Variants in LIMK2 observed in about 807,000 individuals in gnomAD.
The protein encoded by LIMK2 is LIM domain kinase 2.
Under a neutral mutation model 75.7 loss-of-function variants are expected in LIMK2, and 35 were observed. The observed-to-expected ratio is 0.46, with a 90% CI of 0.35 to 0.61. The LOEUF (loss-of-function observed/expected upper bound fraction) is 0.61, where lower values mean the gene tolerates loss of function less well. Ranked by LOEUF, LIMK2 falls within the 20% of genes least tolerant of loss-of-function variation. The pLI is 0.00. For missense variants in LIMK2, 623 were observed against 831.0 expected (o/e 0.75, Z 3.08); for synonymous variants, 301 against 319.2 (o/e 0.94, Z 0.61).
At chr22:31,276,570 G>GCGCCCCCGCCGC (rs1555888677) in intron 15 of LIMK2, among the ~76,000 whole-genome samples, 2 of 145,592 alleles carry the variant, frequency 1.4e-5, no homozygotes, top group Non-Finnish European at 3.0e-5. Context: ...CTGCCCCCGG[G>GCGCCCCCGCCGC]CGCCCCCGCC....
At chr22:31,270,071 T>A (rs1162353033) in intron 11 of LIMK2, among the ~76,000 whole-genome samples, 1 of 152,100 alleles carries the variant, frequency 6.6e-6, no homozygotes, top group Non-Finnish European at 1.5e-5. Context: ...TGGGAAGAGC[T>A]AGCATTGATC....
intron 8 of LIMK2, among the ~76,000 whole-genome samples, chr22:31,266,466 C>G (rs1049624549): frequency 6.6e-6 from 1 of 152,134 alleles, no homozygotes; most frequent in African/African-American, 2.4e-5. Context: ...TGGCTCCTGC[C>G]TCCCTGGTGA....
chr22:31,272,829 A>C, intron 13 of LIMK2, 125 bp downstream of exon 13: 2 of 1,416,704 alleles, frequency 1.4e-6, no homozygotes, highest in South Asian at 1.7e-5. Context: ...AGCTGAGGAT[A>C]TTTTTCCCTT....
At chr22:31,238,126 A>AC (rs2048595296) in intron 2 of LIMK2, among the ~76,000 whole-genome samples, 2 of 151,710 alleles carry the variant, frequency 1.3e-5, no homozygotes, top group Non-Finnish European at 1.5e-5. Flanking sequence ...AAAAAAAAAA[A>AC]AAAAAACCAA....
intron 2 of LIMK2, among the ~76,000 whole-genome samples, chr22:31,237,921 A>G (rs903805272): frequency 4.7e-5 from 7 of 148,986 alleles, no homozygotes; most frequent in African/African-American, 1.5e-4. Flanking sequence ...CCTGGCCAAC[A>G]TGGTGAAACC....
intron 11 of LIMK2, among the ~76,000 whole-genome samples, chr22:31,270,379 A>G (rs1373877795): frequency 6.6e-6 from 1 of 152,194 alleles, no homozygotes; most frequent in Non-Finnish European, 1.5e-5. Context: ...TCCCTCAGGC[A>G]GGCAGGCAGG....
At chr22:31,261,631 G>T (rs2048840444) in intron 5 of LIMK2, among the ~76,000 whole-genome samples, 1 of 151,908 alleles carries the variant, frequency 6.6e-6, no homozygotes, top group Non-Finnish European at 1.5e-5. Flanking sequence ...AGCTGGGTAT[G>T]GTGGTGCGCG....
chr22:31,266,007 A>T lies in LIMK2; in HGVS notation c.916A>T (p.Ser306Cys), dbSNP rs1449599007. The T allele has an allele frequency of 6.2e-7, 1 of 1,614,090 alleles. No individual in the cohort carries two copies. Among genetic ancestry groups the T allele is most frequent in the Non-Finnish European group, 8.5e-7 (1 of 1,180,006 alleles). The change falls in exon 8 of 16, where the codon AGC becomes TGC. Residue 306 changes from serine (S) to cysteine (C), a missense_variant. Physicochemically the swap from Ser to Cys is moderately radical, Grantham distance 112. This residue lies in a region of LIMK2 where 514 missense variants were observed against 661.3 expected (regional missense o/e 0.78). Coordinates refer to ENST00000331728, the MANE Select transcript of LIMK2 (RefSeq NM_005569.4). ...CTCCCCAAAGGAGCCCCTGCTGTTCAGCCGTGACATCAGCCGCTCAGAATC... is the reference window on the plus strand; with the variant it reads ...CTCCCCAAAGGAGCCCCTGCTGTTCTGCCGTGACATCAGCCGCTCAGAATC... ...PSSPKEPLLF[S>C]RDISRSESLR...
chr22:31,263,607 A>G (rs986702330), intron 7 of LIMK2, among the ~76,000 whole-genome samples: 1 of 152,082 alleles, frequency 6.6e-6, no homozygotes, highest in South Asian at 2.1e-4. Context: ...TGGGAGGCCT[A>G]GGTCGGAGGA....
intron 15 of LIMK2, among the ~76,000 whole-genome samples, chr22:31,276,389 C>T (rs1013336073): frequency 2.0e-5 from 3 of 152,114 alleles, no homozygotes; most frequent in African/African-American, 7.2e-5. Context: ...ACTCCACCCT[C>T]CCAGGATAAC....
intron 13 of LIMK2, 60 bp from the exon 14 acceptor site, chr22:31,273,392 C>G: frequency 6.8e-7 from 1 of 1,469,802 alleles, no homozygotes; most frequent in South Asian, 1.1e-5. Context: ...TGACCCTAGA[C>G]CCAGTGCAGA....
At chr22:31,271,735 A>T (rs931005669) in intron 12 of LIMK2, among the ~76,000 whole-genome samples, 1 of 152,062 alleles carries the variant, frequency 6.6e-6, no homozygotes, top group Non-Finnish European at 1.5e-5. Context: ...ACACCACGCA[A>T]TCTTCATTCC....
At chr22:31,226,944 C>G (rs539131234) in intron 2 of LIMK2, among the ~76,000 whole-genome samples, 3 of 152,204 alleles carry the variant, frequency 2.0e-5, no homozygotes, top group African/African-American at 7.2e-5. Flanking sequence ...AGCTCAGTTT[C>G]TTAAAAATTA....
intron 15 of LIMK2, among the ~76,000 whole-genome samples, chr22:31,277,979 G>A (rs2049049344): frequency 6.6e-6 from 1 of 152,162 alleles, no homozygotes; most frequent in Admixed American, 6.5e-5. Context: ...AGCCATTTCC[G>A]TGGCACTAGG....
chr22:31,254,180 C>T (rs1235249870), intron 2 of LIMK2, among the ~76,000 whole-genome samples: 1 of 152,250 alleles, frequency 6.6e-6, no homozygotes, highest in Non-Finnish European at 1.5e-5. Context: ...TCTCCCTGCT[C>T]CCTCTCCTGG....
At chr22:31,232,573 A>G (rs2048538794) in intron 2 of LIMK2, among the ~76,000 whole-genome samples, 1 of 152,164 alleles carries the variant, frequency 6.6e-6, no homozygotes, top group South Asian at 2.1e-4. Context: ...GGGGATACGG[A>G]GTTGGCATAC....
intron 1 of LIMK2, among the ~76,000 whole-genome samples, chr22:31,214,608 T>A (rs1463362374): frequency 6.6e-6 from 1 of 152,044 alleles, no homozygotes; most frequent in African/African-American, 2.4e-5. Context: ...CTTTTTTTTT[T>A]TTTGAAGGGA....
intron 2 of LIMK2, among the ~76,000 whole-genome samples, chr22:31,242,598 G>A (rs2048632450): frequency 6.6e-6 from 1 of 152,096 alleles, no homozygotes; most frequent in African/African-American, 2.4e-5. Context: ...ATGTGACTTG[G>A]TATCCTCATA....
chr22:31,273,889 G>C (rs1056218913), intron 14 of LIMK2, among the ~76,000 whole-genome samples: 1 of 152,020 alleles, frequency 6.6e-6, no homozygotes, highest in African/African-American at 2.4e-5. Context: ...GTAGAGACAG[G>C]GTTTCACCAT....
Sources: gnomAD v4.1 joint callset for allele counts (sites outside exome capture counted in the v4.1 genomes callset) on GRCh38, gnomAD v4.1.1 for gene constraint, gnomAD v4.1.1 regional missense constraint, MANE v1.5 for transcripts, NCBI Gene and HGNC (gene_info 2026-07-23, HGNC 2026-07-21) for gene names.